Variants in ZNF106 observed in about 807,000 individuals in gnomAD.
The protein encoded by ZNF106 is zinc finger protein 106.
Under a neutral mutation model 195.1 loss-of-function variants are expected in ZNF106, and 67 were observed. The observed-to-expected ratio is 0.34, with a 90% CI of 0.28 to 0.42. The LOEUF (loss-of-function observed/expected upper bound fraction) is 0.42. Ranked by LOEUF, ZNF106 falls within the 10% of genes least tolerant of loss-of-function variation. The probability of loss-of-function intolerance (pLI) is 1.00; values close to 1 mark genes in which losing one functional copy is unlikely to be tolerated. For missense variants in ZNF106, 2,118 were observed against 2,304.5 expected (o/e 0.92, Z 1.66); for synonymous variants, 784 against 818.6 (o/e 0.96, Z 0.72).
At chr15:42,475,675 A>G (rs772725382) in intron 1 of ZNF106, among the ~76,000 whole-genome samples, 4 of 152,192 alleles carry the variant, frequency 2.6e-5, no homozygotes, top group African/African-American at 4.8e-5. Context: ...TGTAACATCT[A>G]CTTCAACTTT....
intron 3 of ZNF106, among the ~76,000 whole-genome samples, chr15:42,461,318 C>T (rs1866397): frequency 0.014 from 2,137 of 152,298 alleles, 120 homozygotes; most frequent in Admixed American, 0.096. Flanking sequence ...AAAATAATCA[C>T]GGGGGAAATG....
intron 1 of ZNF106, among the ~76,000 whole-genome samples, chr15:42,473,495 C>T (rs1191501965): frequency 1.3e-5 from 2 of 152,318 alleles, no homozygotes; most frequent in East Asian, 1.9e-4. Context: ...TGCACCTCTA[C>T]ATTTTCTGTT....
chr15:42,476,443 G>A, intron 1 of ZNF106, among the ~76,000 whole-genome samples: 1 of 152,110 alleles, frequency 6.6e-6, no homozygotes, highest in East Asian at 1.9e-4. Context: ...CTAGAAGTAA[G>A]TAAATAAGGA....
At chr15:42,446,550 A>G (rs1383227465) in intron 7 of ZNF106, 39 bp downstream of exon 7, 1 of 1,548,900 alleles carries the variant, frequency 6.5e-7, no homozygotes, top group East Asian at 2.4e-5. Context: ...AAAACCAAAA[A>G]ACACCAACTT....
intron 1 of ZNF106, among the ~76,000 whole-genome samples, chr15:42,473,948 C>T (rs951548020): frequency 3.3e-5 from 5 of 152,110 alleles, no homozygotes; most frequent in African/African-American, 9.7e-5. Context: ...AGCCAGCCAC[C>T]GTGCTGTGAG....
chr15:42,418,025 G>T, intron 20 of ZNF106, 74 bp from the exon 21 acceptor site: 7 of 1,455,806 alleles, frequency 4.8e-6, no homozygotes, highest in Admixed American at 2.4e-5. Context: ...CCCCCAGCTG[G>T]ATCCCATAAG....
intron 2 of ZNF106, among the ~76,000 whole-genome samples, chr15:42,467,119 G>A (rs780971946): frequency 3.3e-5 from 5 of 152,056 alleles, no homozygotes; most frequent in East Asian, 1.9e-4. Context: ...GCGACAGAAC[G>A]AGACTCCGTC....
chr15:42,425,954 T>TC lies in ZNF106; in HGVS notation c.4999-930dup, dbSNP rs200448333. Reference sequence around the variant, plus strand: ...TCAGATTTTAGACTTCTTTCCTTCATCCCCCAGCCAACCCTGTTCATTAAG... The same window carrying TC: ...TCAGATTTTAGACTTCTTTCCTTCATCCCCCCAGCCAACCCTGTTCATTAAG... On this transcript the variant is annotated intron_variant, in intron 15 of 21. Transcript: ENST00000564754. Among the ~76,000 whole-genome samples the TC allele has an allele frequency of 8.8e-3, 1,337 of 152,238 alleles. 26 individuals are homozygous for TC. The highest frequency in any genetic ancestry group is 0.031 in the African/African-American group (1,286 of 41,536).
chr15:42,444,148 AC>A, intron 9 of ZNF106, 53 bp downstream of exon 9: 1 of 1,267,210 alleles, frequency 7.9e-7, no homozygotes, highest in Non-Finnish European at 1.1e-6. Flanking sequence ...AGCAGAGAAA[AC>A]AAAAAAGTAA....
Position 42,421,939 on chromosome 15 carries a change from C to T in ZNF106, c.5423G>A (p.Cys1808Tyr). The change falls in exon 19 of 22, where the codon TGT becomes TAT. Residue 1808 changes from cysteine to tyrosine, a missense_variant. Physicochemically the swap from Cys to Tyr is radical, Grantham distance 194 (BLOSUM62 -2). Coordinates refer to ENST00000564754, the MANE Select transcript of ZNF106 (RefSeq NM_001366845.3). ...VYGGHKDMIM[C>Y]MTIHKSMIYT... ...CACCATGCTTTTATGGATGGTCATA[C>T]ACATAATCATGTCTTTGTGTCCTCC... 1 of 1,582,048 alleles carries T rather than the reference C, an allele frequency of 6.3e-7. No individual in the cohort carries two copies. The highest frequency in any genetic ancestry group is 8.6e-7 in the Non-Finnish European group (1 of 1,161,172).
intron 2 of ZNF106, among the ~76,000 whole-genome samples, chr15:42,468,885 C>T (rs1291819187): frequency 6.6e-6 from 1 of 151,924 alleles, no homozygotes; most frequent in Non-Finnish European, 1.5e-5. Context: ...AATGAAAAAT[C>T]GATTAATATA....
chr15:42,467,731 C>T (rs1014522540), intron 2 of ZNF106, among the ~76,000 whole-genome samples: 10 of 152,162 alleles, frequency 6.6e-5, no homozygotes, highest in African/African-American at 2.4e-4. Context: ...TCGCTTGAAC[C>T]TGGGAAGGCG....
At chr15:42,460,345 G>A (rs1006426481) in intron 3 of ZNF106, among the ~76,000 whole-genome samples, 1 of 152,106 alleles carries the variant, frequency 6.6e-6, no homozygotes, top group Admixed American at 6.6e-5. Context: ...AAGGAATGTC[G>A]TATAAAGTAG....
intron 1 of ZNF106, among the ~76,000 whole-genome samples, chr15:42,473,353 A>G (rs2056720142): frequency 6.6e-6 from 1 of 152,184 alleles, no homozygotes; most frequent in African/African-American, 2.4e-5. Flanking sequence ...AGTCTTTGCC[A>G]TGGCTACAAT....
chr15:42,439,045 C>A lies in ZNF106; in HGVS notation c.4532G>T (p.Gly1511Val). 6.2e-7 allele frequency: 1 copy of A among 1,612,606 alleles called. No homozygotes were observed. Among genetic ancestry groups the A allele is most frequent in the Non-Finnish European group, 8.5e-7 (1 of 1,179,256 alleles). Reference protein sequence around the residue: ...TSEIGTRYKDGIPVSVAETQT... With the variant: ...TSEIGTRYKDVIPVSVAETQT... ...ACAATATTCTTACCTTACAGGGATG[C>A]CATCTTTATAGCGAGTGCCAATTTC... The change falls in exon 11 of 22, where the codon GGC becomes GTC. Residue 1511 changes from glycine to valine, a missense_variant. Coordinates refer to ENST00000564754, the MANE Select transcript of ZNF106 (RefSeq NM_001366845.3).
chr15:42,484,210 A>G (rs2141458816), intron 1 of ZNF106, among the ~76,000 whole-genome samples: 1 of 152,326 alleles, frequency 6.6e-6, no homozygotes, highest in South Asian at 2.1e-4. Context: ...TGTTGTAAAT[A>G]TTTTGTAATA....
intron 4 of ZNF106, among the ~76,000 whole-genome samples, chr15:42,456,414 T>G (rs184319673): frequency 9.9e-4 from 150 of 152,178 alleles, no homozygotes; most frequent in African/African-American, 3.4e-3. Flanking sequence ...TTTGGGAGGC[T>G]GAGGTGGGCA....
intron 3 of ZNF106, among the ~76,000 whole-genome samples, chr15:42,462,393 T>C (rs1469566384): frequency 6.6e-6 from 1 of 151,844 alleles, no homozygotes; most frequent in Non-Finnish European, 1.5e-5. Context: ...AGGTCAGGAG[T>C]TCGAGACCAG....
chr15:42,482,350 T>C (rs2056916295), intron 1 of ZNF106, among the ~76,000 whole-genome samples: 1 of 152,086 alleles, frequency 6.6e-6, no homozygotes, highest in Non-Finnish European at 1.5e-5. Context: ...TGTATATGAG[T>C]AGTTTTGGAA....
Sources: gnomAD v4.1 joint callset for allele counts (sites outside exome capture counted in the v4.1 genomes callset) on GRCh38, gnomAD v4.1.1 for gene constraint, MANE v1.5 for transcripts, NCBI Gene and HGNC (gene_info 2026-07-23, HGNC 2026-07-21) for gene names.